IRAG1: variants seen among roughly 807,000 people sequenced by gnomAD.
IRAG1 encodes the protein IP3R-associated cGMP kinase substrate.
A neutral mutation model predicts 106.2 loss-of-function variants in IRAG1; 62 were observed. That is an observed-to-expected ratio of 0.58 (90% CI 0.48 to 0.72). The LOEUF (loss-of-function observed/expected upper bound fraction) is 0.72, where lower values mean the gene tolerates loss of function less well. Ranked by LOEUF, IRAG1 falls within the 30% of genes least tolerant of loss-of-function variation. The pLI is 0.00. For synonymous variants in IRAG1, 462 were observed against 443.9 expected, an observed-to-expected ratio of 1.04 and a Z score of -0.51; for missense variants, 1,064 against 1,140.7, an observed-to-expected ratio of 0.93 and a Z score of 0.97.
intron 1 of IRAG1, among the ~76,000 whole-genome samples, chr11:10,680,572 A>T (rs1248383650): frequency 6.8e-6 from 1 of 146,312 alleles, no homozygotes; most frequent in Non-Finnish European, 1.5e-5. Flanking sequence ...AGGGGAAGGG[A>T]AATCTCCATT....
chr11:10,662,965 C>T (rs894362188), intron 1 of IRAG1, among the ~76,000 whole-genome samples: 1 of 152,194 alleles, frequency 6.6e-6, no homozygotes, highest in African/African-American at 2.4e-5. Flanking sequence ...CTTTCAGAAG[C>T]CAACATGTGG....
In IRAG1 at chr11:10,642,620, T is replaced by A. The variant is rs1281257700; in HGVS notation, c.226-8549A>T. On this transcript the variant is annotated intron_variant, in intron 2 of 20. Coordinates refer to ENST00000423302, the MANE Select transcript of IRAG1 (RefSeq NM_130385.4). ...CCCACCTGGGTGACCTTGGGCAAGT[T>A]ACTAGTTACTAAACTTCTCTTTCAT... Among the ~76,000 whole-genome samples the A allele has an allele frequency of 3.3e-5, 5 of 152,230 alleles. No individual in the cohort carries two copies. In the South Asian group the frequency reaches 8.3e-4, roughly 25 times the overall value.
At chr11:10,594,072 T>C in intron 16 of IRAG1, 74 bp downstream of exon 16, 2 of 1,368,602 alleles carry the variant, frequency 1.5e-6, no homozygotes, top group Non-Finnish European at 1.0e-6. Context: ...CCAGAATGAA[T>C]GATTGTTTGG....
At chr11:10,642,902 C>T (rs557272708) in intron 2 of IRAG1, among the ~76,000 whole-genome samples, 77 of 151,904 alleles carry the variant, frequency 5.1e-4, no homozygotes, top group African/African-American at 1.7e-3. Flanking sequence ...CGGTGGCTCA[C>T]GCCTGTAATC....
At chr11:10,578,481 G>C (rs1372484510) in intron 20 of IRAG1, among the ~76,000 whole-genome samples, 2 of 152,222 alleles carry the variant, frequency 1.3e-5, no homozygotes, top group Non-Finnish European at 1.5e-5. Flanking sequence ...ACGTGACTCA[G>C]ACAAAAATAC....
intron 10 of IRAG1, among the ~76,000 whole-genome samples, chr11:10,622,538 C>G (rs1335062573): frequency 6.6e-6 from 1 of 152,080 alleles, no homozygotes; most frequent in Non-Finnish European, 1.5e-5. Context: ...ACTCTGTACC[C>G]CAGAGCGAGA....
chr11:10,648,349 G>A (rs959816651), intron 2 of IRAG1, among the ~76,000 whole-genome samples: 1 of 152,204 alleles, frequency 6.6e-6, no homozygotes, highest in Non-Finnish European at 1.5e-5. Context: ...GGGTGACAAA[G>A]CAAGACTCTG....
chr11:10,661,673 C>G (rs921855045), intron 1 of IRAG1, among the ~76,000 whole-genome samples: 1 of 152,168 alleles, frequency 6.6e-6, no homozygotes, highest in African/African-American at 2.4e-5. Context: ...TCTGCTTCCC[C>G]CTTCACATTT....
rs377622214 is a variant in IRAG1, at chr11:10,659,079, G to A, written c.68-6897C>T. On this transcript the variant is annotated intron_variant, in intron 1 of 20. Coordinates refer to ENST00000423302, the MANE Select transcript of IRAG1 (RefSeq NM_130385.4). This position sits in a 1 kb window ranked among gnomAD's most constrained non-coding sequence, Gnocchi z 4.1. ...CAGGTCTGGGCTGTGCTCAGTCCCA[G>A]GTTGGTCTGGTTTCAAAGCCCCAGT... is the stretch of plus-strand genomic sequence containing the variant. 4.7e-4 allele frequency among the ~76,000 whole-genome samples: 71 copies of A among 152,382 alleles called. No homozygotes were observed. The highest frequency in any genetic ancestry group is 1.6e-3 in the African/African-American group (68 of 41,584).
chr11:10,609,489 C>G (rs1452555095), intron 11 of IRAG1, among the ~76,000 whole-genome samples: 1 of 152,190 alleles, frequency 6.6e-6, no homozygotes, highest in African/African-American at 2.4e-5. Context: ...CTTCTGGTGA[C>G]CCTTATGCCT....
chr11:10,606,876 A>G, intron 11 of IRAG1, 104 bp from the exon 12 acceptor site: 1 of 1,108,288 alleles, frequency 9.0e-7, no homozygotes, highest in African/African-American at 1.6e-5. Context: ...GGGTGGAGTA[A>G]GCTGTGTTGG....
intron 15 of IRAG1, among the ~76,000 whole-genome samples, chr11:10,597,020 CAG>C (rs1420193655): frequency 1.3e-5 from 2 of 152,170 alleles, no homozygotes; most frequent in African/African-American, 4.8e-5. Context: ...GAGGAAGAAA[CAG>C]GGCAAACTGC....
At chr11:10,624,975 G>A (rs16908086) in intron 9 of IRAG1, among the ~76,000 whole-genome samples, 10,938 of 152,216 alleles carry the variant, frequency 0.072, 1,006 homozygotes, top group African/African-American at 0.22. Context: ...TGTTTGATCC[G>A]CTAGTTAGTT....
chr11:10,578,256 C>G (rs564235397), intron 20 of IRAG1, among the ~76,000 whole-genome samples: 2 of 152,292 alleles, frequency 1.3e-5, no homozygotes, highest in Non-Finnish European at 2.9e-5. Flanking sequence ...GTAAAGGAAC[C>G]TAAATGTCCT....
intron 15 of IRAG1, chr11:10,595,830 G>A (rs1044332462): frequency 2.6e-5 from 4 of 151,978 alleles, no homozygotes; most frequent in African/African-American, 7.3e-5. Context: ...GATTTTTTCT[G>A]CTCCTCTCCC....
chr11:10,629,579 C>A lies in IRAG1; in HGVS notation c.533G>T (p.Arg178Leu). ...KLVSERFLTR[R>L]GRKSRSSPGD... Reference sequence around the variant, plus strand: ...GGGGCTGCTCCTGGACTTCCTCCCACGGCGGGTCAGGAATCGCTCACTCAC... The same window carrying A: ...GGGGCTGCTCCTGGACTTCCTCCCAAGGCGGGTCAGGAATCGCTCACTCAC... Residue 178 changes from arginine to leucine, a missense_variant, in exon 5 of 21, where the codon CGT (arginine) becomes CTT (leucine). Coordinates refer to ENST00000423302, the MANE Select transcript of IRAG1 (RefSeq NM_130385.4). 6 of 1,613,846 alleles carry A rather than the reference C, an allele frequency of 3.7e-6. No individual in the cohort carries two copies. The highest frequency in any genetic ancestry group is 5.1e-6 in the Non-Finnish European group (6 of 1,179,754).
At chr11:10,618,855 C>T (rs1362935586) in intron 10 of IRAG1, among the ~76,000 whole-genome samples, 1 of 152,184 alleles carries the variant, frequency 6.6e-6, no homozygotes, top group Non-Finnish European at 1.5e-5. Flanking sequence ...GATTCAAGTG[C>T]TCTTCCTAAG....
At position 10,662,306 on chromosome 11, in the gene IRAG1, C is replaced by A. The variant is rs562050888; in HGVS notation, c.68-10124G>T. Among the ~76,000 whole-genome samples, 5 of 152,248 alleles carry A rather than the reference C, an allele frequency of 3.3e-5. No individual in the cohort carries two copies. In the South Asian group the frequency reaches 8.3e-4, roughly 25 times the overall value. Reference sequence around the variant, plus strand: ...ATAAGCAAGTGGGTGGCCTTGCCTGCCCTCATTCTCATTGAGCTTCCCCAG... The same window carrying A: ...ATAAGCAAGTGGGTGGCCTTGCCTGACCTCATTCTCATTGAGCTTCCCCAG... On this transcript the variant is annotated intron_variant, in intron 1 of 20. Transcript: ENST00000423302.
Position 10,633,975 on chromosome 11 carries a change from C to A in IRAG1, c.322G>T (p.Ala108Ser). 6.2e-7 allele frequency: 1 copy of A among 1,608,770 alleles called. No individual in the cohort carries two copies. The highest frequency in any genetic ancestry group is 8.5e-7 in the Non-Finnish European group (1 of 1,176,330). ...AGGATCAGGCACCTGTACCTGTTGG[C>A]CAGGTTTTTGTCGGTTTCTCCTTCT... ...SPEGETDKNL[A>S]NRVHSPHKRL... The change falls in exon 3 of 21, where the codon GCC (alanine) becomes TCC (serine). Residue 108 changes from alanine (A) to serine (S), a missense_variant. Physicochemically the swap from Ala to Ser is moderately conservative, Grantham distance 99. Transcript: ENST00000423302.
Sources: gnomAD v4.1 joint callset for allele counts (sites outside exome capture counted in the v4.1 genomes callset) on GRCh38, gnomAD v4.1.1 for gene constraint, Gnocchi (gnomAD v3.1) non-coding constraint, MANE v1.5 for transcripts, NCBI Gene and HGNC (gene_info 2026-07-23, HGNC 2026-07-21) for gene names.